The following FYCO1 variants were observed in gnomAD, a reference collection of about 807,000 sequenced individuals.
FYCO1 encodes the protein FYVE and coiled-coil domain-containing protein 1.
FYCO1 carries 122 observed loss-of-function variants against 165.1 expected under a neutral mutation model. The ratio of observed to expected loss-of-function variants is 0.74; its 90% CI spans 0.64 to 0.86. FYCO1 has a LOEUF of 0.86. Among genes scored for constraint, FYCO1 ranks in the 40% least tolerant of loss-of-function variants. The pLI, the probability that FYCO1 is intolerant of heterozygous loss-of-function variation, is 0.00. For missense variants in FYCO1, 1,702 were observed against 1,810.3 expected, an observed-to-expected ratio of 0.94 and a Z score of 1.09; for synonymous variants, 648 against 742.5, an observed-to-expected ratio of 0.87 and a Z score of 2.07.
At chr3:45,936,608 G>A (rs1703906175) in intron 14 of FYCO1, 65 bp from the exon 15 acceptor site, 2 of 1,185,366 alleles carry the variant, frequency 1.7e-6, no homozygotes, top group Non-Finnish European at 2.5e-6. Flanking sequence ...ACATCCTGGG[G>A]TCCGCAGTCT....
intron 13 of FYCO1, among the ~76,000 whole-genome samples, chr3:45,956,281 A>T (rs1415939215): frequency 6.6e-6 from 1 of 152,090 alleles, no homozygotes; most frequent in African/African-American, 2.4e-5. Flanking sequence ...GGTTGCAGTG[A>T]GCCGAGATCG....
rs1341337218 is a variant in FYCO1 at position 45,993,097 on chromosome 3, C to A, written c.-113+2625G>T. ...ACAGGGCCACAATACTATACCCAAA[C>A]CACAGATTCTCCTTAAGTCTTTCAT... On this transcript the variant is annotated intron_variant, in intron 1 of 17. Transcript: ENST00000296137. This position sits in a 1 kb window ranked among gnomAD's most constrained non-coding sequence, Gnocchi z 4.4. Among the ~76,000 whole-genome samples the A allele has an allele frequency of 6.6e-6, 1 of 152,194 alleles. No homozygotes were observed. The highest frequency in any genetic ancestry group is 2.4e-5 in the African/African-American group (1 of 41,434).
At chr3:45,995,258 G>T (rs1329674633) in intron 1 of FYCO1, among the ~76,000 whole-genome samples, 1 of 152,248 alleles carries the variant, frequency 6.6e-6, no homozygotes, top group Non-Finnish European at 1.5e-5. Context: ...GAAGAGGGCA[G>T]AGATCCGAGC....
Position 45,979,755 on chromosome 3 carries a change from T to C in FYCO1, c.238A>G (p.Lys80Glu), listed in dbSNP as rs774454857. The C allele has an allele frequency of 2.0e-5, 33 of 1,614,044 alleles. No individual in the cohort carries two copies. The highest frequency in any genetic ancestry group is 2.8e-5 in the Non-Finnish European group (33 of 1,179,990). The change falls in exon 4 of 18, where the codon AAG (lysine) becomes GAG (glutamate). Residue 80 changes from lysine (K) to glutamate (E), a missense_variant. Transcript: ENST00000296137. ...YWDYFCACLA[K>E]VKGANDGIRF... Reference sequence around the variant, plus strand: ...ATCCCATCATTGGCTCCTTTCACCTTGGCCAGGCAGGCACAGAAGTAATCC... The same window carrying C: ...ATCCCATCATTGGCTCCTTTCACCTCGGCCAGGCAGGCACAGAAGTAATCC...
At chr3:45,924,420 G>T (rs1446341583) in intron 16 of FYCO1, among the ~76,000 whole-genome samples, 1 of 152,052 alleles carries the variant, frequency 6.6e-6, no homozygotes, top group Non-Finnish European at 1.5e-5. Flanking sequence ...ATTTTTGAAG[G>T]GCCTCACTGT....
In FYCO1 at chr3:45,987,389, T is replaced by C. The variant is rs530404054; in HGVS notation, c.-112-2367A>G. ...GTTATATCTCACAAAAAAGGAGCAT[T>C]GGGATGAATTTATAAAAAAAAATGC... On this transcript the variant is annotated intron_variant, in intron 1 of 17. Transcript: ENST00000296137. Among the ~76,000 whole-genome samples, 8 of 151,902 alleles carry C rather than the reference T, an allele frequency of 5.3e-5. No individual in the cohort carries two copies. In the East Asian group the frequency reaches 1.5e-3, roughly 29 times the overall value.
chr3:45,953,744 C>G (rs9824253), intron 14 of FYCO1, among the ~76,000 whole-genome samples: 3 of 151,956 alleles, frequency 2.0e-5, no homozygotes, highest in Non-Finnish European at 4.4e-5. Context: ...AATACCAGTG[C>G]TAGGGCAAAG....
rs1258664125 is a variant in FYCO1, at chr3:45,993,176, C to G, written c.-113+2546G>C. 1.3e-5 allele frequency among the ~76,000 whole-genome samples: 2 copies of G among 152,208 alleles called. No individual in the cohort carries two copies. The highest frequency in any genetic ancestry group is 2.9e-5 in the Non-Finnish European group (2 of 68,028). ...AAATGGCATCCGGCCTAATGAGAAA[C>G]AGGCCCTTGGTGCCTTTCAAATGCC... On this transcript the variant is annotated intron_variant, in intron 1 of 17. Transcript: ENST00000296137. The surrounding 1 kb of genome is among the most constrained non-coding windows in gnomAD (Gnocchi z 4.4).
At chr3:45,971,712 A>T (rs1004964922) in intron 6 of FYCO1, among the ~76,000 whole-genome samples, 8 of 152,248 alleles carry the variant, frequency 5.3e-5, no homozygotes, top group Non-Finnish European at 7.3e-5. Flanking sequence ...TATGAAAGAC[A>T]AAGACTGAAA....
intron 4 of FYCO1, among the ~76,000 whole-genome samples, chr3:45,975,608 C>G (rs1706714571): frequency 6.6e-6 from 1 of 152,220 alleles, no homozygotes; most frequent in African/African-American, 2.4e-5. Flanking sequence ...AACATATTAA[C>G]AAGAGGCTTC....
intron 6 of FYCO1, 96 bp downstream of exon 6, chr3:45,972,992 G>A: frequency 1.5e-6 from 2 of 1,344,040 alleles, no homozygotes; most frequent in Middle Eastern, 2.0e-4. Flanking sequence ...GTAATTTACT[G>A]AGCAAGCAAA....
At chr3:45,952,482 G>A (rs1018987040) in intron 14 of FYCO1, among the ~76,000 whole-genome samples, 1 of 152,104 alleles carries the variant, frequency 6.6e-6, no homozygotes, top group African/African-American at 2.4e-5. Flanking sequence ...GTCTGACAAC[G>A]CAGCCTTTAA....
chr3:45,979,432 TG>T (rs747230577), intron 4 of FYCO1, among the ~76,000 whole-genome samples: 3 of 152,354 alleles, frequency 2.0e-5, no homozygotes, highest in Non-Finnish European at 2.9e-5. Context: ...CTACAATGTA[TG>T]TGAATAGGCC....
intron 14 of FYCO1, among the ~76,000 whole-genome samples, chr3:45,954,953 C>A (rs182679731): frequency 6.6e-6 from 1 of 152,146 alleles, no homozygotes; most frequent in South Asian, 2.1e-4. Flanking sequence ...ACCCGGTCTG[C>A]GGTATTTTAT....
intron 1 of FYCO1, among the ~76,000 whole-genome samples, chr3:45,989,876 A>G (rs763104045): frequency 2.6e-5 from 4 of 152,166 alleles, no homozygotes; most frequent in African/African-American, 4.8e-5. Context: ...TGAGGTGGGC[A>G]GTTGCTCAAG....
intron 13 of FYCO1, 123 bp downstream of exon 13, chr3:45,958,285 C>T: frequency 2.5e-6 from 2 of 808,784 alleles, no homozygotes; most frequent in Non-Finnish European, 4.1e-6. Context: ...ATTTTAGCAC[C>T]TCTTTAATAC....
rs1706533971 is a variant in FYCO1, at chr3:45,973,088, C to T, written c.539G>A (p.Arg180Lys). The part of the protein sequence containing the change: ...DLDAAWPTFA[R>K]RTLTTGSSAY... ...TAAACCAAGCAATCCTTCAAAGTAC[C>T]TGGCAAATGTTGGCCAGGCAGCATC... The change falls in exon 6 of 18, where the codon AGG (arginine) becomes AAG (lysine). Residue 180 changes from arginine (R) to lysine (K), a missense_variant and splice_region_variant. Transcript: ENST00000296137. 6.2e-7 allele frequency: 1 copy of T among 1,614,174 alleles called. No homozygotes were observed. Among genetic ancestry groups the T allele is most frequent in the Non-Finnish European group, 8.5e-7 (1 of 1,180,026 alleles).
chr3:45,972,316 A>T (rs1417757917), intron 6 of FYCO1, among the ~76,000 whole-genome samples: 1 of 152,230 alleles, frequency 6.6e-6, no homozygotes, highest in Admixed American at 6.5e-5. Context: ...AAAAAAGGAC[A>T]TCTGAATATG....
chr3:45,928,165 G>A (rs1170058883), intron 16 of FYCO1, among the ~76,000 whole-genome samples: 2 of 152,110 alleles, frequency 1.3e-5, no homozygotes, highest in South Asian at 2.1e-4. Flanking sequence ...ATTAGACAGT[G>A]GTAATGGTGG....
Sources: gnomAD v4.1 joint callset for allele counts (sites outside exome capture counted in the v4.1 genomes callset) on GRCh38, gnomAD v4.1.1 for gene constraint, Gnocchi (gnomAD v3.1) non-coding constraint, MANE v1.5 for transcripts, NCBI Gene and HGNC (gene_info 2026-07-23, HGNC 2026-07-21) for gene names.